The following RSPH1 variants were observed in gnomAD, a reference collection of about 807,000 sequenced individuals.
RSPH1 encodes radial spoke head component 1, also known as radial spoke head 1 homolog.
A neutral mutation model predicts 44.2 loss-of-function variants in RSPH1; 32 were observed. The observed-to-expected ratio is 0.72, with a 90% CI of 0.55 to 0.97. The LOEUF is 0.97. RSPH1 is among the 50% of genes least tolerant of loss of function. RSPH1 has a pLI of 0.00. For synonymous variants in RSPH1, 134 were observed against 147.3 expected (o/e 0.91, Z 0.65); for missense variants, 391 against 398.7 (o/e 0.98, Z 0.16).
Position 42,492,880 on chromosome 21 carries a change from A to G in RSPH1, c.169-17T>C. 6.4e-7 allele frequency: 1 copy of G among 1,570,466 alleles called. No homozygotes were observed. The highest frequency in any genetic ancestry group is 8.8e-7 in the Non-Finnish European group (1 of 1,140,384). ...GTAGATCCCCTGAAACACATTGATT[A>G]TATCATTCATATCATTGCTGAATGT... On this transcript the variant is annotated splice_polypyrimidine_tract_variant and intron_variant, in intron 2 of 8. Coordinates refer to ENST00000291536, the MANE Select transcript of RSPH1 (RefSeq NM_080860.4).
chr21:42,477,883 T>C (rs1001270212), intron 6 of RSPH1, among the ~76,000 whole-genome samples: 4 of 152,100 alleles, frequency 2.6e-5, no homozygotes, highest in African/African-American at 9.7e-5. Context: ...TTGAGCTTAG[T>C]AGAAACATAA....
At chr21:42,476,716 C>A (rs548845580) in intron 7 of RSPH1, among the ~76,000 whole-genome samples, 1 of 152,088 alleles carries the variant, frequency 6.6e-6, no homozygotes, top group African/African-American at 2.4e-5. Context: ...GTCCCCGAGA[C>A]GCCACAGTGC....
At chr21:42,483,636 T>A (rs953577802) in intron 5 of RSPH1, among the ~76,000 whole-genome samples, 3 of 152,180 alleles carry the variant, frequency 2.0e-5, no homozygotes, top group African/African-American at 7.2e-5. Context: ...ATCTCTTAGA[T>A]TTTCTTTACA....
At chr21:42,489,453 G>T (rs1407381399) in intron 3 of RSPH1, among the ~76,000 whole-genome samples, 1 of 152,212 alleles carries the variant, frequency 6.6e-6, no homozygotes, top group East Asian at 1.9e-4. Flanking sequence ...TGCTCCTTGG[G>T]TAGAGCAGTT....
chr21:42,478,064 C>T (rs1387159268), intron 6 of RSPH1, among the ~76,000 whole-genome samples: 1 of 152,194 alleles, frequency 6.6e-6, no homozygotes, highest in Non-Finnish European at 1.5e-5. Flanking sequence ...AATGAGAGTT[C>T]ATCAAGTCTG....
Position 42,472,807 on chromosome 21 carries a change from C to T in RSPH1, c.*11G>A. On this transcript the variant is annotated 3_prime_UTR_variant, in exon 9 of 9. Transcript: ENST00000291536. Reference sequence around the variant, plus strand: ...TTCTTATGATACGATCTCCTCTCGGCTCACTTCATCTTAGTCCTGGAGGTC... The same window carrying T: ...TTCTTATGATACGATCTCCTCTCGGTTCACTTCATCTTAGTCCTGGAGGTC... 1 of 1,601,440 alleles carries T rather than the reference C, an allele frequency of 6.2e-7. No homozygotes were observed. Among genetic ancestry groups the T allele is most frequent in the South Asian group, 1.1e-5 (1 of 90,626 alleles).
rs141194409 is a variant in RSPH1, at chr21:42,473,996, C to T, written c.878-1126G>A. On this transcript the variant is annotated intron_variant, in intron 8 of 8. Coordinates refer to ENST00000291536, the MANE Select transcript of RSPH1 (RefSeq NM_080860.4). ...TCAGACGCCCGCTGGTACTGGGCATCGTCCACTCGGCCCCATCTCTCCCAG... is the reference window on the plus strand; with the variant it reads ...TCAGACGCCCGCTGGTACTGGGCATTGTCCACTCGGCCCCATCTCTCCCAG... 3.4e-3 allele frequency among the ~76,000 whole-genome samples: 517 copies of T among 152,322 alleles called. 4 individuals carry two copies. Among genetic ancestry groups the T allele is most frequent in the African/African-American group, 0.012 (499 of 41,566 alleles).
rs761869955 is a variant in RSPH1 at position 42,472,884 on chromosome 21, A to G, written c.878-14T>C. 21 of 1,570,288 alleles carry G rather than the reference A, an allele frequency of 1.3e-5. No individual in the cohort carries two copies. In the East Asian group the frequency reaches 4.3e-4, roughly 32 times the overall value. The stretch of plus-strand genomic sequence containing the variant: ...AATTAATGTTTCCTGAAAAGAAAAG[A>G]GAAACATGAGTATATCTCATATTTA... On this transcript the variant is annotated splice_polypyrimidine_tract_variant and intron_variant, in intron 8 of 8. Transcript: ENST00000291536.
chr21:42,488,059 T>C (rs2054197495), intron 3 of RSPH1, among the ~76,000 whole-genome samples: 1 of 152,080 alleles, frequency 6.6e-6, no homozygotes, highest in Non-Finnish European at 1.5e-5. Context: ...GGGTAAGTCA[T>C]TCAGAAAAGA....
chr21:42,484,130 G>A (rs1244117008), intron 5 of RSPH1, among the ~76,000 whole-genome samples: 5 of 152,188 alleles, frequency 3.3e-5, no homozygotes, highest in Non-Finnish European at 5.9e-5. Context: ...GTGACAAGAT[G>A]TTTGACCTCA....
At chr21:42,480,458 T>A (rs1185748369) in intron 6 of RSPH1, among the ~76,000 whole-genome samples, 1 of 151,970 alleles carries the variant, frequency 6.6e-6, no homozygotes, top group African/African-American at 2.4e-5. Context: ...CTGACCAATA[T>A]GGAGAAACCC....
intron 6 of RSPH1, among the ~76,000 whole-genome samples, chr21:42,479,189 C>T (rs112268464): frequency 5.6e-4 from 85 of 152,270 alleles, no homozygotes; most frequent in Middle Eastern, 3.4e-3. Context: ...GCTTGGCAAG[C>T]CCTACTCTAG....
At position 42,477,351 on chromosome 21, in the gene RSPH1, T is replaced by C. The variant is rs766385741; in HGVS notation, c.667A>G (p.Thr223Ala). The C allele has an allele frequency of 1.9e-6, 3 of 1,613,906 alleles. No homozygotes were observed. Among genetic ancestry groups the C allele is most frequent in the Admixed American group, 1.7e-5 (1 of 60,006 alleles). Residue 223 changes from threonine to alanine, a missense_variant, in exon 7 of 9, where the codon ACT (threonine) becomes GCT (alanine). Coordinates refer to ENST00000291536, the MANE Select transcript of RSPH1 (RefSeq NM_080860.4). ...GTAGAGGTCGGCTTTTTGGGGAGAG[T>C]TGGTGTCCACAGGGCCAATTCAGTG... ...QITELALWTP[T>A]LPKKPTSTDG... is the part of the protein sequence containing the mutation.
chr21:42,486,657 G>A (rs1259737079), intron 3 of RSPH1, among the ~76,000 whole-genome samples, 196 bp from the exon 4 acceptor site: 1 of 152,184 alleles, frequency 6.6e-6, no homozygotes. Context: ...GCTGCTATCT[G>A]TTTCCACTCT....
rs185638969 is a variant in RSPH1, at chr21:42,482,144, C to T, written c.573+493G>A. On this transcript the variant is annotated intron_variant, in intron 6 of 8. Transcript: ENST00000291536. ...TGTCGCCCAGGCTGGAGTGCAGTGG[C>T]GTGATCTTGGCTCACTGCAAACTCC... 5.3e-4 allele frequency among the ~76,000 whole-genome samples: 80 copies of T among 152,296 alleles called. 1 individual carries two copies. The highest frequency in any genetic ancestry group is 1.0e-3 in the Non-Finnish European group (68 of 68,018).
At chr21:42,476,173 G>C in intron 7 of RSPH1, 126 bp from the exon 8 acceptor site, 1 of 900,166 alleles carries the variant, frequency 1.1e-6, no homozygotes, top group Non-Finnish European at 1.7e-6. Flanking sequence ...AGCACCTCAT[G>C]TTCCCCATCT....
rs2054003794 is a variant in RSPH1 at position 42,472,684 on chromosome 21, A to G, written c.*134T>C. 6.0e-5 allele frequency: 39 copies of G among 651,158 alleles called. No individual in the cohort carries two copies. In the South Asian group the frequency reaches 8.0e-4, roughly 13 times the overall value. 40.3% of individuals were successfully genotyped at this position (651,158 alleles called of 1,614,324 possible). ...AGTGGCGCGATCTCCACTCACTGCAACTGCCACTTTCTGGACTCAAGCAAT... is the reference window on the plus strand; with the variant it reads ...AGTGGCGCGATCTCCACTCACTGCAGCTGCCACTTTCTGGACTCAAGCAAT... On this transcript the variant is annotated 3_prime_UTR_variant, in exon 9 of 9. Transcript: ENST00000291536.
At chr21:42,479,464 T>A (rs2054104107) in intron 6 of RSPH1, among the ~76,000 whole-genome samples, 1 of 152,170 alleles carries the variant, frequency 6.6e-6, no homozygotes. Context: ...TCCAGTAGAG[T>A]CTAAAGCTGC....
At chr21:42,486,917 T>A (rs1272518758) in intron 3 of RSPH1, among the ~76,000 whole-genome samples, 1 of 152,178 alleles carries the variant, frequency 6.6e-6, no homozygotes, top group Non-Finnish European at 1.5e-5. Context: ...ACACCACACT[T>A]CATTTACCTT....
Sources: allele counts gnomAD v4.1 joint callset (sites outside exome capture counted in the v4.1 genomes callset), GRCh38; gene constraint gnomAD v4.1.1; transcripts MANE v1.5; gene names NCBI Gene and HGNC (gene_info 2026-07-23, HGNC 2026-07-21).